The following FXR1 variants were observed in gnomAD, a reference collection of about 807,000 sequenced individuals.
FXR1 encodes FMR1 autosomal homolog 1.
A neutral mutation model predicts 84.0 loss-of-function variants in FXR1; 15 were observed. The observed-to-expected ratio is 0.18, with a 90% CI of 0.12 to 0.27. The LOEUF (loss-of-function observed/expected upper bound fraction) is 0.27. Among genes scored for constraint, FXR1 ranks in the 10% least tolerant of loss-of-function variants. FXR1 has a pLI of 1.00. For synonymous variants in FXR1, 245 were observed against 250.7 expected, an observed-to-expected ratio of 0.98 and a Z score of 0.21; for missense variants, 480 against 774.4, an observed-to-expected ratio of 0.62 and a Z score of 4.51.
intron 3 of FXR1, among the ~76,000 whole-genome samples, chr3:180,935,725 C>T (rs963288494): frequency 2.6e-5 from 4 of 151,764 alleles, no homozygotes; most frequent in African/African-American, 9.7e-5. Context: ...TTTAAAAGTA[C>T]AGAAAAGCAA....
intron 1 of FXR1, among the ~76,000 whole-genome samples, chr3:180,914,144 C>T (rs1311427696): frequency 6.6e-6 from 1 of 151,978 alleles, no homozygotes; most frequent in Non-Finnish European, 1.5e-5. Flanking sequence ...TATGTTAATG[C>T]GTGAGTAGTT....
At chr3:180,919,579 G>A (rs925958682) in intron 1 of FXR1, among the ~76,000 whole-genome samples, 3 of 145,982 alleles carry the variant, frequency 2.1e-5, no homozygotes, top group Non-Finnish European at 3.0e-5. Context: ...CCACTGCGCC[G>A]GGCCAATAAT....
At chr3:180,931,535 A>G (rs1719900056) in intron 1 of FXR1, among the ~76,000 whole-genome samples, 2 of 152,030 alleles carry the variant, frequency 1.3e-5, no homozygotes, top group African/African-American at 2.4e-5. Flanking sequence ...AGCAATCTTC[A>G]AGAGAAAGAT....
rs757982165 is a variant in FXR1 at position 180,935,174 on chromosome 3, T to C, written c.141T>C (p.Val47=). ...AACGCCAGGTTCCATTTAATGAAGT[T>C]AGATTACCACCACCACCTGATATAA... is the stretch of plus-strand genomic sequence containing the variant. ...QPERQVPFNE[V]RLPPPPDIKK... The change falls in exon 3 of 17, where the codon GTT becomes GTC. Residue 47 remains valine, a synonymous_variant. Transcript: ENST00000357559. 6.3e-7 allele frequency: 1 copy of C among 1,586,764 alleles called. No individual in the cohort carries two copies. Among genetic ancestry groups the C allele is most frequent in the African/African-American group, 1.3e-5 (1 of 74,458 alleles).
At chr3:180,914,861 T>G (rs1349953191) in intron 1 of FXR1, 30 of 984,286 alleles carry the variant, frequency 3.0e-5, no homozygotes, top group Non-Finnish European at 3.6e-5. Context: ...GCTTGAACAT[T>G]TGGAATTTTA....
At chr3:180,932,075 C>CAAAA (rs4042648) in intron 1 of FXR1, among the ~76,000 whole-genome samples, 30 of 79,144 alleles carry the variant, frequency 3.8e-4, no homozygotes, top group African/African-American at 8.3e-4. Flanking sequence ...TTGTAAGTTT[C>CAAAA]AAAAAAAAAA....
Position 180,945,455 on chromosome 3 carries a change from A to G in FXR1, c.199-2410A>G, listed in dbSNP as rs547271080. ...GGTCTCGTTCTGTCACCCAGGGTTG[A>G]GTGTAGTGGTACAATCTTGGCTCAC... On this transcript the variant is annotated intron_variant, in intron 3 of 16. Transcript: ENST00000357559. Among the ~76,000 whole-genome samples, 16 of 152,086 alleles carry G rather than the reference A, an allele frequency of 1.1e-4. No homozygotes were observed. In the South Asian group the frequency reaches 2.7e-3, roughly 26 times the overall value.
chr3:180,955,680 A>C (rs9824165), intron 9 of FXR1, among the ~76,000 whole-genome samples: 4,730 of 152,278 alleles, frequency 0.031, 247 homozygotes, highest in African/African-American at 0.11. Context: ...ATGATTTGGC[A>C]GTGGGTTTGT....
At chr3:180,945,076 T>A (rs1451588954) in intron 3 of FXR1, among the ~76,000 whole-genome samples, 2 of 152,268 alleles carry the variant, frequency 1.3e-5, no homozygotes, top group Non-Finnish European at 2.9e-5. Flanking sequence ...ATACCAATCT[T>A]ATAAATATTG....
chr3:180,975,303 T>A lies in FXR1; in HGVS notation c.1604-10T>A. ...TTCAACACCTGTAATTTTTTTCTCATCTTTAACAGTCACAGTTGCAGATTA... is the reference window on the plus strand; with the variant it reads ...TTCAACACCTGTAATTTTTTTCTCAACTTTAACAGTCACAGTTGCAGATTA... On this transcript the variant is annotated splice_polypyrimidine_tract_variant and intron_variant, in intron 15 of 16. Transcript: ENST00000357559. The A allele has an allele frequency of 8.2e-7, 1 of 1,225,694 alleles. No individual in the cohort carries two copies. Among genetic ancestry groups the A allele is most frequent in the Non-Finnish European group, 1.2e-6 (1 of 860,628 alleles). 75.9% of individuals were successfully genotyped at this position (1,225,694 alleles called of 1,614,324 possible). A position where few individuals can be genotyped will look rare whatever the true frequency, so the allele number is the denominator to read the frequency against.
At chr3:180,974,536 C>T (rs1406814746) in intron 15 of FXR1, among the ~76,000 whole-genome samples, 3 of 152,132 alleles carry the variant, frequency 2.0e-5, no homozygotes, top group Non-Finnish European at 1.5e-5. Flanking sequence ...GTTGGGTTGA[C>T]GTGACAGTAG....
chr3:180,975,585 T>G (rs1279267023), intron 16 of FXR1, among the ~76,000 whole-genome samples, 181 bp downstream of exon 16: 1 of 152,192 alleles, frequency 6.6e-6, no homozygotes, highest in African/African-American at 2.4e-5. Context: ...TGCTTGAGCC[T>G]GAAATACTTT....
chr3:180,958,730 T>C (rs1342754586), intron 10 of FXR1, among the ~76,000 whole-genome samples: 1 of 152,106 alleles, frequency 6.6e-6, no homozygotes, highest in Non-Finnish European at 1.5e-5. Flanking sequence ...TTTTATAGAA[T>C]CTGAAAGTAT....
rs145938035 is a variant in FXR1 at position 180,939,396 on chromosome 3, A to G, written c.198+4165A>G. Reference sequence around the variant, plus strand: ...TGCAAAATAGCAGAGGTAAACTGTCATTCTTCAATCATACTTAGAGATGGT... The same window carrying G: ...TGCAAAATAGCAGAGGTAAACTGTCGTTCTTCAATCATACTTAGAGATGGT... On this transcript the variant is annotated intron_variant, in intron 3 of 16. Coordinates refer to ENST00000357559, the MANE Select transcript of FXR1 (RefSeq NM_005087.4). 4.0e-4 allele frequency among the ~76,000 whole-genome samples: 61 copies of G among 152,242 alleles called. 1 individual carries two copies. Among genetic ancestry groups the G allele is most frequent in the Admixed American group, 3.8e-3 (58 of 15,256 alleles).
chr3:180,955,483 A>G (rs1323236087), intron 9 of FXR1, among the ~76,000 whole-genome samples: 1 of 152,214 alleles, frequency 6.6e-6, no homozygotes, highest in African/African-American at 2.4e-5. Flanking sequence ...TATACAAAAT[A>G]TAGGTAGGGT....
At chr3:180,943,857 A>C (rs1314415746) in intron 3 of FXR1, among the ~76,000 whole-genome samples, 1 of 152,130 alleles carries the variant, frequency 6.6e-6, no homozygotes, top group Non-Finnish European at 1.5e-5. Context: ...TTAACAAGAG[A>C]TATTCGAACT....
At chr3:180,914,615 TCTTA>T (rs565921194) in intron 1 of FXR1, 129 of 202,776 alleles carry the variant, frequency 6.4e-4, no homozygotes, top group Non-Finnish European at 8.8e-4. Flanking sequence ...TTGTTTGCAG[TCTTA>T]CTTTGGTTTC....
chr3:180,924,507 AACAGATGAGATTCTG>A (rs1332715984), intron 1 of FXR1, among the ~76,000 whole-genome samples: 1 of 152,208 alleles, frequency 6.6e-6, no homozygotes, highest in Non-Finnish European at 1.5e-5. Flanking sequence ...AGAGCAGGAC[AACAGATGAGATTCTG>A]ACTGTGGACG....
chr3:180,926,128 TA>T (rs1424458320), intron 1 of FXR1, among the ~76,000 whole-genome samples: 4 of 152,034 alleles, frequency 2.6e-5, no homozygotes, highest in Non-Finnish European at 4.4e-5. Flanking sequence ...TGAGAAGGCA[TA>T]AAAAAAGTAA....
Sources: gnomAD v4.1 joint callset for allele counts (sites outside exome capture counted in the v4.1 genomes callset) on GRCh38, gnomAD v4.1.1 for gene constraint, MANE v1.5 for transcripts, NCBI Gene and HGNC (gene_info 2026-07-23, HGNC 2026-07-21) for gene names.